Variants in DACH2 observed in about 807,000 individuals in gnomAD.
DACH2 encodes the protein dachshund family transcription factor 2.
Under a neutral mutation model 35.8 loss-of-function variants are expected in DACH2, and 17 were observed. The observed-to-expected ratio is 0.48, with a 90% CI of 0.33 to 0.71. The LOEUF (loss-of-function observed/expected upper bound fraction) is 0.71. DACH2 is among the 30% of genes least tolerant of loss of function. DACH2 has a pLI of 0.02. For missense variants in DACH2, 469 were observed against 472.7 expected, an observed-to-expected ratio of 0.99 and a Z score of 0.07; for synonymous variants, 195 against 177.3, an observed-to-expected ratio of 1.10 and a Z score of -0.79.
rs544969751 is a variant in DACH2, at chrX:86,253,180, A to AG, written c.488+104072_488+104073insG. Among the ~76,000 whole-genome samples, 9 of 111,023 alleles carry AG rather than the reference A, an allele frequency of 8.1e-5. 1 individual carries two copies. The South Asian group carries it at 3.4e-3, about 41-fold the overall frequency. The stretch of plus-strand genomic sequence containing the variant: ...CCCCTTTTACAATAGCTGCAAAAAA[A>AG]TAAATTAAAAAAAAACTACATAGGA... On this transcript the variant is annotated intron_variant, in intron 1 of 11. Coordinates refer to ENST00000373125, the MANE Select transcript of DACH2 (RefSeq NM_053281.3).
chrX:86,327,660 G>T (rs917528557), intron 1 of DACH2, among the ~76,000 whole-genome samples: 2 of 111,762 alleles, frequency 1.8e-5, no homozygotes, highest in African/African-American at 6.5e-5. Context: ...ATTGTCATTA[G>T]GTTTAAGAGA....
At chrX:86,822,229 T>C (rs1281064087) in intron 11 of DACH2, among the ~76,000 whole-genome samples, 1 of 112,302 alleles carries the variant, frequency 8.9e-6, no homozygotes, top group East Asian at 2.8e-4. Flanking sequence ...TCATATGCCA[T>C]CATTTTCATA....
In DACH2 at chrX:86,201,276, G is replaced by A. The variant is rs189477895; in HGVS notation, c.488+52168G>A. ...ACAGAGAAGGAAACAACAGACACCA[G>A]GGTCTTCTTGAGGGGGGTGGGTGGG... On this transcript the variant is annotated intron_variant, in intron 1 of 11. Transcript: ENST00000373125. Among the ~76,000 whole-genome samples, 174 of 103,352 alleles carry A rather than the reference G, an allele frequency of 1.7e-3. 3 individuals are homozygous for A. The highest frequency in any genetic ancestry group is 6.1e-3 in the African/African-American group (172 of 28,154). 89.7% of individuals were successfully genotyped at this position (103,352 alleles called of 115,157 possible).
At position 86,418,602 on chromosome X, in the gene DACH2, T is replaced by C. The variant is rs2036748996; in HGVS notation, c.527+41740T>C. 4.5e-5 allele frequency among the ~76,000 whole-genome samples: 5 copies of C among 111,399 alleles called. No individual in the cohort carries two copies. The Admixed American group carries it at 4.8e-4, about 11-fold the overall frequency. ...CAGCTGAGATGCAGGACACCAAGTCTGTAGGCTGCACACAGCACGTGGACC... is the reference window on the plus strand; with the variant it reads ...CAGCTGAGATGCAGGACACCAAGTCCGTAGGCTGCACACAGCACGTGGACC... On this transcript the variant is annotated intron_variant, in intron 2 of 11. Coordinates refer to ENST00000373125, the MANE Select transcript of DACH2 (RefSeq NM_053281.3).
intron 4 of DACH2, among the ~76,000 whole-genome samples, chrX:86,660,148 G>T (rs1200862591): frequency 2.7e-5 from 3 of 111,162 alleles, no homozygotes; most frequent in Admixed American, 1.9e-4. Context: ...CCCCTGCTGG[G>T]AACTCTCTTC....
intron 7 of DACH2, among the ~76,000 whole-genome samples, chrX:86,765,017 T>C (rs1219502020): frequency 8.9e-6 from 1 of 112,172 alleles, no homozygotes; most frequent in African/African-American, 3.2e-5. Context: ...GTTGGATACT[T>C]GTATGTCTTC....
At chrX:86,240,459 A>ATTG (rs2033141437) in intron 1 of DACH2, among the ~76,000 whole-genome samples, 1 of 104,226 alleles carries the variant, frequency 9.6e-6, no homozygotes, top group Non-Finnish European at 1.9e-5. Context: ...TATTATTATT[A>ATTG]TTATTATTAT....
chrX:86,599,267 T>C (rs188918071), intron 3 of DACH2, among the ~76,000 whole-genome samples: 2 of 111,179 alleles, frequency 1.8e-5, no homozygotes, highest in East Asian at 5.7e-4. Context: ...GAGTTGGGGG[T>C]AAGGAGGGTG....
At chrX:86,757,147 T>G (rs1291318474) in intron 7 of DACH2, among the ~76,000 whole-genome samples, 1 of 111,597 alleles carries the variant, frequency 9.0e-6, no homozygotes, top group African/African-American at 3.3e-5. Flanking sequence ...ATTTTTTAAT[T>G]TTTAAGTATT....
At chrX:86,668,303 A>G (rs1237789594) in intron 4 of DACH2, among the ~76,000 whole-genome samples, 1 of 112,142 alleles carries the variant, frequency 8.9e-6, no homozygotes, top group Non-Finnish European at 1.9e-5. Flanking sequence ...TAATTTCCAT[A>G]TGTACTAAAT....
At chrX:86,402,262 A>T (rs1317878029) in intron 2 of DACH2, among the ~76,000 whole-genome samples, 2 of 112,116 alleles carry the variant, frequency 1.8e-5, no homozygotes, top group African/African-American at 6.5e-5. Context: ...TTCACTTATG[A>T]TATAATTTTA....
At chrX:86,159,570 G>C (rs1297569688) in intron 1 of DACH2, among the ~76,000 whole-genome samples, 2 of 111,640 alleles carry the variant, frequency 1.8e-5, no homozygotes, top group African/African-American at 6.5e-5. Flanking sequence ...CACTTTATAA[G>C]CCAATTAGCA....
chrX:86,365,551 G>A (rs922187557), intron 1 of DACH2, among the ~76,000 whole-genome samples: 8 of 111,321 alleles, frequency 7.2e-5, no homozygotes, highest in African/African-American at 1.6e-4. Flanking sequence ...AACAGTATCC[G>A]TCGGTATTTG....
chrX:86,210,843 G>A (rs889972233), intron 1 of DACH2, among the ~76,000 whole-genome samples: 1 of 111,952 alleles, frequency 8.9e-6, no homozygotes, highest in Non-Finnish European at 1.9e-5. Context: ...TTTGCCTATA[G>A]TAAATAGAAT....
intron 2 of DACH2, among the ~76,000 whole-genome samples, chrX:86,512,450 C>A (rs144805187): frequency 1.0e-3 from 111 of 111,401 alleles, no homozygotes; most frequent in African/African-American, 3.4e-3. Flanking sequence ...CTAGTTAAAC[C>A]TTATGGCTTT....
chrX:86,475,939 G>A (rs1300482646), intron 2 of DACH2, among the ~76,000 whole-genome samples: 1 of 112,094 alleles, frequency 8.9e-6, no homozygotes, highest in Non-Finnish European at 1.9e-5. Context: ...ATGATCATAC[G>A]ATTGTTGTCT....
chrX:86,168,604 C>T (rs756936695), intron 1 of DACH2, among the ~76,000 whole-genome samples: 4 of 102,511 alleles, frequency 3.9e-5, no homozygotes, highest in Non-Finnish European at 6.1e-5. Flanking sequence ...TTCCTTTCTT[C>T]GTCTAGTAAG....
intron 2 of DACH2, among the ~76,000 whole-genome samples, chrX:86,476,086 T>C (rs758465048): frequency 4.5e-5 from 5 of 112,113 alleles, no homozygotes; most frequent in Non-Finnish European, 9.4e-5. Flanking sequence ...GTTCGTATTT[T>C]GTTGAGGATT....
At chrX:86,174,481 G>A (rs2031240899) in intron 1 of DACH2, among the ~76,000 whole-genome samples, 1 of 110,573 alleles carries the variant, frequency 9.0e-6, no homozygotes, top group African/African-American at 3.3e-5. Context: ...CAGATACTAT[G>A]GTTGATGATC....
Sources: allele counts gnomAD v4.1 joint callset (sites outside exome capture counted in the v4.1 genomes callset), GRCh38; gene constraint gnomAD v4.1.1; transcripts MANE v1.5; gene names NCBI Gene and HGNC (gene_info 2026-07-23, HGNC 2026-07-21).